The following CACNA1C variants were observed in gnomAD, a reference collection of about 807,000 sequenced individuals.
The protein encoded by CACNA1C is calcium voltage-gated channel subunit alpha1 C, also known as voltage-dependent L-type calcium channel subunit alpha-1C.
CACNA1C carries 30 observed loss-of-function variants against 229.0 expected under a neutral mutation model. The observed-to-expected ratio is 0.13, with a 90% confidence interval of 0.10 to 0.18. CACNA1C has a LOEUF of 0.18. Ranked by LOEUF, CACNA1C falls within the 10% of genes least tolerant of loss-of-function variation. The pLI is 1.00. For synonymous variants in CACNA1C, 1,114 were observed against 1,132.5 expected (o/e 0.98, Z 0.33); for missense variants, 1,658 against 2,845.0 (o/e 0.58, Z 9.49).
intron 3 of CACNA1C, among the ~76,000 whole-genome samples, chr12:2,206,838 A>G (rs1278024655): frequency 1.3e-5 from 2 of 152,212 alleles, no homozygotes; most frequent in Non-Finnish European, 2.9e-5. Flanking sequence ...TCCCACATGA[A>G]TGTGTTCCTG....
intron 18 of CACNA1C, among the ~76,000 whole-genome samples, chr12:2,590,534 A>C (rs1419134857): frequency 6.6e-6 from 1 of 152,168 alleles, no homozygotes; most frequent in Non-Finnish European, 1.5e-5. Context: ...ACGTGCTGTC[A>C]AAGTTGTGTT....
In CACNA1C at chr12:2,215,972, A is replaced by G. The variant is rs1343642020; in HGVS notation, c.477+95542A>G. ...GTCACCATGCCGCCCATCAGTTGACATGCTCTGTTGTCAAGAACACAAGAA... is the reference window on the plus strand; with the variant it reads ...GTCACCATGCCGCCCATCAGTTGACGTGCTCTGTTGTCAAGAACACAAGAA... On this transcript the variant is annotated intron_variant, in intron 3 of 46. Transcript: ENST00000399655. This position sits in a 1 kb window ranked among gnomAD's most constrained non-coding sequence, Gnocchi z 5.0. Among the ~76,000 whole-genome samples, 1 of 152,246 alleles carries G rather than the reference A, an allele frequency of 6.6e-6. No individual in the cohort carries two copies. The highest frequency in any genetic ancestry group is 1.9e-4 in the East Asian group (1 of 5,198).
intron 2 of CACNA1C, among the ~76,000 whole-genome samples, chr12:2,118,555 C>G (rs190054600): frequency 6.6e-6 from 1 of 152,326 alleles, no homozygotes; most frequent in African/African-American, 2.4e-5. Flanking sequence ...ACGTCTGACC[C>G]TTCTGTGCCT....
intron 1 of CACNA1C, among the ~76,000 whole-genome samples, chr12:2,111,918 G>C (rs1351081613): frequency 6.6e-6 from 1 of 152,182 alleles, no homozygotes; most frequent in Non-Finnish European, 1.5e-5. Flanking sequence ...ATGCTGTCAC[G>C]TGGAGATCAT....
chr12:2,512,688 C>A lies in CACNA1C; in HGVS notation c.1218-124C>A. The A allele has an allele frequency of 1.4e-6, 1 of 728,146 alleles. No individual in the cohort carries two copies. The highest frequency in any genetic ancestry group is 2.2e-6 in the Non-Finnish European group (1 of 456,540). 45.1% of individuals were successfully genotyped at this position (728,146 alleles called of 1,614,324 possible). ...AGTAGGGGCGTGTGGGCAGGTTTCT[C>A]CCTGCAAAGCAATTAAGACTCTTGT... On this transcript the variant is annotated intron_variant, in intron 8 of 46. Transcript: ENST00000399655. This position sits in a 1 kb window ranked among gnomAD's most constrained non-coding sequence, Gnocchi z 4.3.
At chr12:2,481,168 T>C (rs1178791169) in intron 5 of CACNA1C, among the ~76,000 whole-genome samples, 1 of 152,136 alleles carries the variant, frequency 6.6e-6, no homozygotes, top group Non-Finnish European at 1.5e-5. Flanking sequence ...ATCCCAAAAG[T>C]AGGGCTTGGT....
In CACNA1C at chr12:2,641,537, G is replaced by T. The variant is rs2093694398; in HGVS notation, c.3913-6938G>T. 3 of 595,538 alleles carry T rather than the reference G, an allele frequency of 5.0e-6. No homozygotes were observed. The South Asian group carries it at 5.9e-5, about 12-fold the overall frequency. The allele number at this position is 595,538 out of a possible 1,614,324, so 36.9% of individuals were successfully genotyped here. ...CCCCTTCTCATTGCTGGAGCCTCCT[G>T]TTGCCCTCGGAGTCCCTTCCAGCTT... On this transcript the variant is annotated intron_variant, in intron 30 of 46. Coordinates refer to ENST00000399655, the MANE Select transcript of CACNA1C (RefSeq NM_000719.7).
intron 3 of CACNA1C, among the ~76,000 whole-genome samples, chr12:2,418,819 A>G (rs966738771): frequency 1.3e-5 from 2 of 152,082 alleles, no homozygotes; most frequent in East Asian, 3.9e-4. Flanking sequence ...GATGCAGCCC[A>G]TGCTGACCCC....
At chr12:2,323,341 C>G (rs1022109979) in intron 3 of CACNA1C, among the ~76,000 whole-genome samples, 26 of 152,214 alleles carry the variant, frequency 1.7e-4, no homozygotes, top group African/African-American at 4.8e-4. Flanking sequence ...TCTGCTCCCC[C>G]TGGAGAGGTC....
chr12:2,498,570 G>A (rs1343219671), intron 7 of CACNA1C, among the ~76,000 whole-genome samples: 2 of 152,240 alleles, frequency 1.3e-5, no homozygotes, highest in African/African-American at 4.8e-5. Context: ...CGAGGGATGT[G>A]GGAGCACAGA....
intron 3 of CACNA1C, among the ~76,000 whole-genome samples, chr12:2,193,771 T>C (rs1356312157): frequency 6.6e-6 from 1 of 152,246 alleles, no homozygotes; most frequent in Non-Finnish European, 1.5e-5. Flanking sequence ...GTGGGGAAGA[T>C]TATGATTGGA....
At chr12:2,565,201 G>T (rs1009248300) in intron 11 of CACNA1C, among the ~76,000 whole-genome samples, 2 of 151,988 alleles carry the variant, frequency 1.3e-5, no homozygotes, top group Non-Finnish European at 1.5e-5. Context: ...GGGCGCGGTG[G>T]CTCACGCCTG....
chr12:2,124,868 C>T (rs757405527), intron 3 of CACNA1C, among the ~76,000 whole-genome samples: 2 of 151,994 alleles, frequency 1.3e-5, no homozygotes, highest in African/African-American at 2.4e-5. Flanking sequence ...TGGAGGAGCC[C>T]GTGGAGCGTG....
chr12:2,279,649 C>G (rs1430663573), intron 3 of CACNA1C, among the ~76,000 whole-genome samples: 1 of 152,156 alleles, frequency 6.6e-6, no homozygotes, highest in African/African-American at 2.4e-5. Context: ...GTCCTTTTGA[C>G]TGTGTTAGTA....
intron 7 of CACNA1C, among the ~76,000 whole-genome samples, chr12:2,503,114 A>G (rs757916068): frequency 2.4e-4 from 36 of 152,192 alleles, no homozygotes; most frequent in South Asian, 1.5e-3. Flanking sequence ...GGAGAGAACA[A>G]TGTGATCAGT....
chr12:2,690,686 T>C, intron 46 of CACNA1C: 1 of 521,690 alleles, frequency 1.9e-6, no homozygotes, highest in Non-Finnish European at 3.3e-6. Context: ...CAGCCAAAAC[T>C]TCTCTGGCCT....
At chr12:2,557,102 G>T in intron 11 of CACNA1C, 125 bp downstream of exon 11, 1 of 718,430 alleles carries the variant, frequency 1.4e-6, no homozygotes, top group Non-Finnish European at 2.5e-6. Context: ...TTCTAAGGGG[G>T]TAACTACTTT....
At chr12:2,574,855 G>A (rs2057804574) in intron 13 of CACNA1C, among the ~76,000 whole-genome samples, 1 of 152,238 alleles carries the variant, frequency 6.6e-6, no homozygotes, top group Non-Finnish European at 1.5e-5. Flanking sequence ...TCAGACTCCA[G>A]AGCCTGCAAT....
At chr12:2,617,566 G>GGCTTCCAGA (rs1318993717) in intron 29 of CACNA1C, among the ~76,000 whole-genome samples, 1 of 152,208 alleles carries the variant, frequency 6.6e-6, no homozygotes. Flanking sequence ...GGGATCCTGT[G>GGCTTCCAGA]GCTTCCAGAG....
Sources: gnomAD v4.1 joint callset for allele counts (sites outside exome capture counted in the v4.1 genomes callset) on GRCh38, gnomAD v4.1.1 for gene constraint, Gnocchi (gnomAD v3.1) non-coding constraint, MANE v1.5 for transcripts, NCBI Gene and HGNC (gene_info 2026-07-23, HGNC 2026-07-21) for gene names.